DENND1B: variants seen among roughly 807,000 people sequenced by gnomAD.
The protein encoded by DENND1B is DENN domain containing 1B.
In DENND1B, 59 loss-of-function variants were observed where a neutral mutation model predicts 90.1. That is an observed-to-expected ratio of 0.65 (90% CI 0.53 to 0.81). The LOEUF (loss-of-function observed/expected upper bound fraction) is 0.81. Among genes scored for constraint, DENND1B ranks in the 40% least tolerant of loss-of-function variants. The pLI, the probability that DENND1B is intolerant of heterozygous loss-of-function variation, is 0.00. For synonymous variants in DENND1B, 337 were observed against 324.6 expected (o/e 1.04, Z -0.41); for missense variants, 862 against 912.6 (o/e 0.94, Z 0.71).
At chr1:197,523,403 A>G (rs530781550) in intron 20 of DENND1B, among the ~76,000 whole-genome samples, 1 of 152,266 alleles carries the variant, frequency 6.6e-6, no homozygotes, top group South Asian at 2.1e-4. Flanking sequence ...CCATGAAAAG[A>G]AAGTGGAAGG....
chr1:197,543,830 G>C (rs1670518944), intron 18 of DENND1B, among the ~76,000 whole-genome samples: 1 of 151,162 alleles, frequency 6.6e-6, no homozygotes, highest in Non-Finnish European at 1.5e-5. Context: ...AAACAGAAAG[G>C]GTGGCCACAT....
At chr1:197,730,952 T>G (rs1021017738) in intron 2 of DENND1B, among the ~76,000 whole-genome samples, 8 of 152,072 alleles carry the variant, frequency 5.3e-5, no homozygotes, top group African/African-American at 1.9e-4. Context: ...AATCTCAGAA[T>G]AGGGTTGATC....
At chr1:197,677,836 A>G (rs554053751) in intron 3 of DENND1B, among the ~76,000 whole-genome samples, 2 of 152,310 alleles carry the variant, frequency 1.3e-5, no homozygotes, top group Admixed American at 1.3e-4. Context: ...TTAATTCAAC[A>G]GCTACCTCAT....
At chr1:197,733,928 A>T in intron 2 of DENND1B, 1 of 329,556 alleles carries the variant, frequency 3.0e-6, no homozygotes, top group Non-Finnish European at 4.3e-6. Context: ...ACGTGCTCTT[A>T]AAATAATACA....
chr1:197,549,609 T>TA (rs1166083489), intron 16 of DENND1B, among the ~76,000 whole-genome samples: 1 of 152,302 alleles, frequency 6.6e-6, no homozygotes, highest in Non-Finnish European at 1.5e-5. Context: ...CAATATTTCT[T>TA]ACCTGCTTTT....
intron 10 of DENND1B, among the ~76,000 whole-genome samples, chr1:197,622,573 C>T (rs1678270006): frequency 6.6e-6 from 1 of 151,356 alleles, no homozygotes; most frequent in African/African-American, 2.4e-5. Context: ...GAGCCATTGA[C>T]CTTTGTATGA....
At chr1:197,551,953 T>C (rs1384261723) in intron 16 of DENND1B, among the ~76,000 whole-genome samples, 2 of 152,248 alleles carry the variant, frequency 1.3e-5, no homozygotes, top group African/African-American at 4.8e-5. Flanking sequence ...TTCAATGAAA[T>C]GCTACACTTA....
At chr1:197,538,782 A>T (rs1028102356) in intron 20 of DENND1B, among the ~76,000 whole-genome samples, 1 of 150,692 alleles carries the variant, frequency 6.6e-6, no homozygotes, top group African/African-American at 2.4e-5. Flanking sequence ...TCATGTTGAA[A>T]TTTAATTGCC....
chr1:197,605,101 A>G lies in DENND1B; in HGVS notation c.921+1972T>C, dbSNP rs116759938. On this transcript the variant is annotated intron_variant, in intron 13 of 22. Coordinates refer to ENST00000620048, the MANE Select transcript of DENND1B (RefSeq NM_001195215.2). Reference sequence around the variant, plus strand: ...AAGCATATATTTAGTTAATCAATCTACACCACCTTTCAGTATAATTTTTAT... The same window carrying G: ...AAGCATATATTTAGTTAATCAATCTGCACCACCTTTCAGTATAATTTTTAT... 9.6e-3 allele frequency among the ~76,000 whole-genome samples: 1,453 copies of G among 151,030 alleles called. 14 individuals are homozygous for G. Among genetic ancestry groups the G allele is most frequent in the Non-Finnish European group, 0.014 (949 of 67,304 alleles).
intron 2 of DENND1B, among the ~76,000 whole-genome samples, chr1:197,743,452 T>G (rs902730303): frequency 1.3e-5 from 2 of 152,232 alleles, no homozygotes; most frequent in Non-Finnish European, 2.9e-5. Flanking sequence ...CTAACAATCT[T>G]CTGAGCCTTC....
intron 3 of DENND1B, chr1:197,690,763 A>C (rs1657779414): frequency 6.6e-6 from 1 of 152,200 alleles, no homozygotes; most frequent in African/African-American, 2.4e-5. Flanking sequence ...ATGCATTATA[A>C]AACCTTCCGA....
chr1:197,597,356 G>A (rs1470877399), intron 13 of DENND1B, among the ~76,000 whole-genome samples: 1 of 151,306 alleles, frequency 6.6e-6, no homozygotes, highest in Non-Finnish European at 1.5e-5. Flanking sequence ...ACGATGTAAG[G>A]AATATGATTC....
At chr1:197,570,240 A>C (rs1395171753) in intron 15 of DENND1B, among the ~76,000 whole-genome samples, 1 of 151,930 alleles carries the variant, frequency 6.6e-6, no homozygotes, top group African/African-American at 2.4e-5. Context: ...AAAAAAAAAA[A>C]AAAATTTAAA....
Position 197,564,623 on chromosome 1 carries a change from G to A in DENND1B, c.1150-11511C>T, listed in dbSNP as rs144626609. On this transcript the variant is annotated intron_variant, in intron 15 of 22. Transcript: ENST00000620048. Reference sequence around the variant, plus strand: ...TTGCAATATTCACTTTATTGTAGTGGTCTGGAACTGAACCCACACTATCTC... The same window carrying A: ...TTGCAATATTCACTTTATTGTAGTGATCTGGAACTGAACCCACACTATCTC... Among the ~76,000 whole-genome samples, 67 of 151,942 alleles carry A rather than the reference G, an allele frequency of 4.4e-4. 1 individual carries two copies. In the East Asian group the frequency reaches 0.012, roughly 26 times the overall value.
intron 2 of DENND1B, among the ~76,000 whole-genome samples, chr1:197,744,828 A>G (rs1353376125): frequency 6.6e-6 from 1 of 152,228 alleles, no homozygotes; most frequent in African/African-American, 2.4e-5. Context: ...ACTGAAAATC[A>G]GTTGTTTAAT....
At position 197,509,560 on chromosome 1, in the gene DENND1B, T is replaced by C. The variant is rs910984126; in HGVS notation, c.*900A>G. On this transcript the variant is annotated 3_prime_UTR_variant, in exon 23 of 23. Coordinates refer to ENST00000620048, the MANE Select transcript of DENND1B (RefSeq NM_001195215.2). ...AACTTCTAAAATACAAAGTCAATTA[T>C]TTTAAAAAGTAAATTTGAGATGATG... 6.6e-6 allele frequency: 1 copy of C among 151,890 alleles called. No homozygotes were observed. The highest frequency in any genetic ancestry group is 1.9e-4 in the East Asian group (1 of 5,146). The allele number at this position is 151,890 out of a possible 1,614,324, so 9.4% of individuals were successfully genotyped here. A position where few individuals can be genotyped will look rare whatever the true frequency, so the allele number is the denominator to read the frequency against.
intron 2 of DENND1B, chr1:197,734,324 G>T: frequency 2.1e-6 from 2 of 955,188 alleles, no homozygotes; most frequent in Non-Finnish European, 2.5e-6. Context: ...GTCATATGAT[G>T]GTAGTGAAAG....
At chr1:197,771,908 C>T (rs1656665000) in intron 2 of DENND1B, among the ~76,000 whole-genome samples, 1 of 152,118 alleles carries the variant, frequency 6.6e-6, no homozygotes, top group African/African-American at 2.4e-5. Context: ...CTAACCCTGC[C>T]GCCTACCACA....
intron 3 of DENND1B, chr1:197,689,155 G>T (rs1572338606): frequency 6.5e-6 from 1 of 152,740 alleles, no homozygotes; most frequent in Non-Finnish European, 1.5e-5. Flanking sequence ...AGAAAAGGAG[G>T]TTTAATGGAC....
Sources: gnomAD v4.1 joint callset for allele counts (sites outside exome capture counted in the v4.1 genomes callset) on GRCh38, gnomAD v4.1.1 for gene constraint, MANE v1.5 for transcripts, NCBI Gene and HGNC (gene_info 2026-07-23, HGNC 2026-07-21) for gene names.